The following MAST4 variants were observed in gnomAD, a reference collection of about 807,000 sequenced individuals.
MAST4 encodes microtubule associated serine/threonine kinase family member 4, also known as microtubule-associated serine/threonine-protein kinase 4.
MAST4 carries 89 observed loss-of-function variants against 162.7 expected under a neutral mutation model. That is an observed-to-expected ratio of 0.55 (90% CI 0.46 to 0.65). The LOEUF is 0.65. Ranked by LOEUF, MAST4 falls within the 30% of genes least tolerant of loss-of-function variation. The pLI, the probability that MAST4 is intolerant of heterozygous loss-of-function variation, is 0.00. For missense variants in MAST4, 3,153 were observed against 3,374.0 expected (o/e 0.93, Z 1.62); for synonymous variants, 1,479 against 1,361.1 (o/e 1.09, Z -1.91).
At chr5:66,786,197 A>C (rs1755110965) in intron 2 of MAST4, among the ~76,000 whole-genome samples, 1 of 152,208 alleles carries the variant, frequency 6.6e-6, no homozygotes, top group Non-Finnish European at 1.5e-5. Flanking sequence ...AAAGGAAAAA[A>C]AGATTTTTCA....
intron 6 of MAST4, 61 bp downstream of exon 6, chr5:67,090,292 C>T: frequency 8.0e-7 from 1 of 1,251,078 alleles, no homozygotes; most frequent in Non-Finnish European, 1.1e-6. Flanking sequence ...TTTTCCTCTC[C>T]CTCTCCCCAC....
chr5:66,713,326 G>A (rs941220451), intron 1 of MAST4, among the ~76,000 whole-genome samples: 2 of 152,160 alleles, frequency 1.3e-5, no homozygotes, highest in African/African-American at 4.8e-5. Flanking sequence ...TGGTGATCTG[G>A]GGAGGACAGG....
chr5:66,764,054 A>G (rs1011296110), intron 2 of MAST4, among the ~76,000 whole-genome samples: 5 of 152,194 alleles, frequency 3.3e-5, no homozygotes, highest in Non-Finnish European at 5.9e-5. Context: ...TTTCTGTGGC[A>G]TTTGGTGGTG....
chr5:66,645,223 G>T lies in MAST4; in HGVS notation c.363+48205G>T, dbSNP rs1230638750. Among the ~76,000 whole-genome samples the T allele has an allele frequency of 2.6e-5, 4 of 152,254 alleles. No homozygotes were observed. In the South Asian group the frequency reaches 8.3e-4, roughly 32 times the overall value. The stretch of plus-strand genomic sequence containing the variant: ...AAACTAAGGCCCAGAGGGATGAAGA[G>T]CTGTACTTCAAGTCATTTTTCTGAG... On this transcript the variant is annotated intron_variant, in intron 1 of 28. Transcript: ENST00000403625.
intron 5 of MAST4, among the ~76,000 whole-genome samples, chr5:67,064,245 C>T (rs1187192278): frequency 1.3e-5 from 2 of 152,114 alleles, no homozygotes; most frequent in African/African-American, 4.8e-5. Flanking sequence ...GACTGAGAAG[C>T]AGAAACCTGA....
At chr5:66,981,084 A>G (rs568468340) in intron 4 of MAST4, among the ~76,000 whole-genome samples, 1 of 152,202 alleles carries the variant, frequency 6.6e-6, no homozygotes, top group Non-Finnish European at 1.5e-5. Flanking sequence ...TCGTTTGGGC[A>G]TAGAAATTTT....
intron 12 of MAST4, among the ~76,000 whole-genome samples, chr5:67,117,711 A>G (rs979979620): frequency 3.0e-4 from 45 of 152,146 alleles, no homozygotes; most frequent in Admixed American, 2.0e-3. Flanking sequence ...GACCTATCAT[A>G]GATTTAGAGA....
rs550152206 is a variant in MAST4, at chr5:67,097,731, T to C, written c.912+2056T>C. On this transcript the variant is annotated intron_variant, in intron 7 of 28. Transcript: ENST00000403625. Reference sequence around the variant, plus strand: ...ATAATTATTAGGCTCAATATTCCTATTTTTTCCTCCAAAATGAAATTTTAG... The same window carrying C: ...ATAATTATTAGGCTCAATATTCCTACTTTTTCCTCCAAAATGAAATTTTAG... Among the ~76,000 whole-genome samples, 10 of 152,178 alleles carry C rather than the reference T, an allele frequency of 6.6e-5. No homozygotes were observed. The East Asian group carries it at 1.9e-3, about 29-fold the overall frequency.
At chr5:66,772,345 G>A (rs1461510256) in intron 2 of MAST4, among the ~76,000 whole-genome samples, 1 of 151,882 alleles carries the variant, frequency 6.6e-6, no homozygotes, top group Admixed American at 6.6e-5. Flanking sequence ...TTCAATTTAT[G>A]TTTTTTTAAG....
At chr5:66,649,978 CTTT>C (rs10713389) in intron 1 of MAST4, among the ~76,000 whole-genome samples, 2 of 149,928 alleles carry the variant, frequency 1.3e-5, no homozygotes, top group Non-Finnish European at 3.0e-5. Flanking sequence ...ACCAATTCAC[CTTT>C]TTTTTTTCTT....
intron 5 of MAST4, among the ~76,000 whole-genome samples, chr5:67,078,762 C>CTAAATATATATATTTATATTTATT (rs1762033678): frequency 9.0e-6 from 1 of 110,636 alleles, no homozygotes; most frequent in Non-Finnish European, 1.8e-5. Flanking sequence ...TTATATTTAT[C>CTAAATATATATATTTATATTTATT]TAAATATATA....
rs1581467560 is a variant in MAST4 at position 67,078,680 on chromosome 5, T to TA, written c.764-11482_764-11481insA. ...TATTTATTTTATATTTATATTATAT[T>TA]TATTTATATTTATATATTTATATAT... On this transcript the variant is annotated intron_variant, in intron 5 of 28. Transcript: ENST00000403625. Among the ~76,000 whole-genome samples the TA allele has an allele frequency of 8.9e-5, 12 of 135,526 alleles. No individual in the cohort carries two copies. In the East Asian group the frequency reaches 1.2e-3, roughly 14 times the overall value. The allele number at this position is 135,526 out of a possible 152,430, so 88.9% of individuals were successfully genotyped here.
chr5:67,131,987 C>T, intron 16 of MAST4, 36 bp downstream of exon 16: 1 of 1,591,800 alleles, frequency 6.3e-7, no homozygotes, highest in Non-Finnish European at 8.6e-7. Context: ...CTTCTTTTGC[C>T]CAATACAAAG....
intron 2 of MAST4, 63 bp from the exon 3 acceptor site, chr5:66,788,607 C>CCAAGCAAAAAAACAAAAAA: frequency 2.2e-6 from 3 of 1,373,728 alleles, no homozygotes; most frequent in Non-Finnish European, 3.0e-6. Context: ...CCCCCACCCC[C>CCAAGCAAAAAAACAAAAAA]ATTGCAATAA....
intron 4 of MAST4, among the ~76,000 whole-genome samples, chr5:66,907,127 T>G (rs1763403682): frequency 6.8e-6 from 1 of 146,258 alleles, no homozygotes; most frequent in African/African-American, 2.6e-5. Flanking sequence ...GGAATTTACT[T>G]GGTGAAAAGG....
chr5:66,653,972 A>C (rs566604199), intron 1 of MAST4, among the ~76,000 whole-genome samples: 1 of 152,210 alleles, frequency 6.6e-6, no homozygotes, highest in Non-Finnish European at 1.5e-5. Flanking sequence ...TCATTGTTCA[A>C]CAATTATATA....
chr5:66,899,261 C>G (rs1367977255), intron 3 of MAST4, among the ~76,000 whole-genome samples: 2 of 151,986 alleles, frequency 1.3e-5, no homozygotes, highest in Non-Finnish European at 2.9e-5. Flanking sequence ...TTTTCCACAG[C>G]CTCTTGATGA....
intron 24 of MAST4, among the ~76,000 whole-genome samples, chr5:67,151,328 G>GCA (rs1214996380): frequency 8.4e-6 from 1 of 118,490 alleles, no homozygotes; most frequent in African/African-American, 5.7e-5. Flanking sequence ...CTCATGGACA[G>GCA]CACCTTCTCT....
chr5:67,070,090 G>GA (rs961171401), intron 5 of MAST4, among the ~76,000 whole-genome samples: 25 of 150,234 alleles, frequency 1.7e-4, no homozygotes, highest in South Asian at 4.2e-4. Context: ...GAAATTGAAA[G>GA]AAAAAAAAAT....
Sources: gnomAD v4.1 joint callset for allele counts (sites outside exome capture counted in the v4.1 genomes callset) on GRCh38, gnomAD v4.1.1 for gene constraint, MANE v1.5 for transcripts, NCBI Gene and HGNC (gene_info 2026-07-23, HGNC 2026-07-21) for gene names.